PHLDB2: variants seen among roughly 807,000 people sequenced by gnomAD.
PHLDB2 encodes the protein pleckstrin homology like domain family B member 2, also known as pleckstrin homology-like domain family B member 2.
PHLDB2 carries 71 observed loss-of-function variants against 123.6 expected under a neutral mutation model. The observed-to-expected ratio is 0.57, with a 90% CI of 0.47 to 0.70. PHLDB2 has a LOEUF of 0.70. PHLDB2 is among the 30% of genes least tolerant of loss of function. The pLI, the probability that PHLDB2 is intolerant of heterozygous loss-of-function variation, is 0.00. For synonymous variants in PHLDB2, 547 were observed against 541.6 expected (o/e 1.01, Z -0.14); for missense variants, 1,446 against 1,519.5 (o/e 0.95, Z 0.80).
chr3:111,780,826 T>C (rs576351775), intron 1 of PHLDB2, among the ~76,000 whole-genome samples: 1 of 152,204 alleles, frequency 6.6e-6, no homozygotes, highest in Non-Finnish European at 1.5e-5. Context: ...ATAACAGATG[T>C]TGATAGGTGT....
intron 1 of PHLDB2, among the ~76,000 whole-genome samples, chr3:111,804,343 CAG>C (rs1388593576): frequency 1.3e-5 from 2 of 152,296 alleles, no homozygotes; most frequent in South Asian, 2.1e-4. Context: ...TTCTGAAGAA[CAG>C]AGTCTTCCCT....
At chr3:111,962,990 C>CAGA (rs1334193591) in intron 13 of PHLDB2, among the ~76,000 whole-genome samples, 1 of 151,168 alleles carries the variant, frequency 6.6e-6, no homozygotes, top group Non-Finnish European at 1.5e-5. Context: ...CAACAGCAGT[C>CAGA]AGAACTTTGG....
intron 2 of PHLDB2, among the ~76,000 whole-genome samples, chr3:111,902,469 A>C (rs1343454626): frequency 6.6e-6 from 1 of 152,158 alleles, no homozygotes; most frequent in African/African-American, 2.4e-5. Context: ...AAAAGGAAGA[A>C]AATAAAAATA....
At chr3:111,801,388 A>G (rs796068066) in intron 1 of PHLDB2, among the ~76,000 whole-genome samples, 1 of 152,204 alleles carries the variant, frequency 6.6e-6, no homozygotes, top group African/African-American at 2.4e-5. Flanking sequence ...TCTCCTTTGG[A>G]TACAAAGACC....
At chr3:111,803,271 G>C (rs931020758) in intron 1 of PHLDB2, among the ~76,000 whole-genome samples, 6 of 152,164 alleles carry the variant, frequency 3.9e-5, no homozygotes, top group African/African-American at 1.4e-4. Flanking sequence ...ATTTCTGATG[G>C]GGATCAGAGT....
At chr3:111,883,042 G>C (rs1340694147) in intron 1 of PHLDB2, among the ~76,000 whole-genome samples, 1 of 152,120 alleles carries the variant, frequency 6.6e-6, no homozygotes, top group Admixed American at 6.6e-5. Flanking sequence ...ATGTGCCTAA[G>C]GGTTGGAGGA....
intron 1 of PHLDB2, among the ~76,000 whole-genome samples, chr3:111,756,227 T>C (rs904488179): frequency 6.6e-6 from 1 of 151,726 alleles, no homozygotes. Flanking sequence ...TTCTGTCTCG[T>C]TGATCTGTCT....
chr3:111,837,221 G>A lies in PHLDB2; in HGVS notation c.-48-8600G>A, dbSNP rs1390898762. ...CACATTTGTTACCATAACTGTTATC[G>A]GTTTTTAAAAAATATCTAAAGTTTA... On this transcript the variant is annotated intron_variant, in intron 1 of 17. Transcript: ENST00000393923. 2.0e-5 allele frequency among the ~76,000 whole-genome samples: 3 copies of A among 152,122 alleles called. 1 individual carries two copies. The highest frequency in any genetic ancestry group is 3.8e-4 in the East Asian group (2 of 5,202).
intron 1 of PHLDB2, among the ~76,000 whole-genome samples, chr3:111,748,498 A>G (rs533493521): frequency 6.6e-6 from 1 of 151,864 alleles, no homozygotes; most frequent in East Asian, 1.9e-4. Context: ...CAGCCAGCCA[A>G]CTCATGTCCC....
Position 111,807,952 on chromosome 3 carries a change from T to G in PHLDB2, c.-48-37869T>G, listed in dbSNP as rs201850948. ...TTTTATAAATAAGCTGGGTGTTTTT[T>G]TTTTTTTTTTTTGCCTAATTTTATG... On this transcript the variant is annotated intron_variant, in intron 1 of 17. Coordinates refer to the PHLDB2 transcript ENST00000393923. Among the ~76,000 whole-genome samples the G allele has an allele frequency of 7.3e-3, 1,027 of 140,576 alleles. 4 individuals carry two copies. The highest frequency in any genetic ancestry group is 0.011 in the Non-Finnish European group (690 of 64,216). 92.2% of individuals were successfully genotyped at this position (140,576 alleles called of 152,430 possible). A position where few individuals can be genotyped will look rare whatever the true frequency, so the allele number is the denominator to read the frequency against.
In PHLDB2 at chr3:111,966,720, C is replaced by G; in HGVS notation, c.3168+17C>G. ...GAATCCAGGGTAAGCTTCATATTTTCATGCCGGAGGTCTGTGATACCGTGG... is the reference window on the plus strand; with the variant it reads ...GAATCCAGGGTAAGCTTCATATTTTGATGCCGGAGGTCTGTGATACCGTGG... On this transcript the variant is annotated intron_variant, in intron 14 of 17. Transcript: ENST00000431670. 6.2e-7 allele frequency: 1 copy of G among 1,606,292 alleles called. No individual in the cohort carries two copies.
chr3:111,805,282 C>A (rs896712734), intron 1 of PHLDB2, among the ~76,000 whole-genome samples: 2 of 152,072 alleles, frequency 1.3e-5, no homozygotes, highest in Admixed American at 1.3e-4. Context: ...TTACTGGGGC[C>A]GGGCGCTGTG....
chr3:111,742,645 C>T (rs908252954), intron 1 of PHLDB2, among the ~76,000 whole-genome samples: 2 of 152,098 alleles, frequency 1.3e-5, no homozygotes, highest in Non-Finnish European at 2.9e-5. Context: ...TGAACTCGTC[C>T]TTTTTTATGG....
At chr3:111,885,683 CAG>C (rs2066127119) in intron 2 of PHLDB2, 2 of 634,294 alleles carry the variant, frequency 3.2e-6, no homozygotes, top group South Asian at 1.9e-5. Flanking sequence ...AAAAACATAA[CAG>C]AGGAGTTGGG....
intron 2 of PHLDB2, among the ~76,000 whole-genome samples, chr3:111,906,040 T>C (rs1166267885): frequency 6.6e-6 from 1 of 152,232 alleles, no homozygotes; most frequent in Non-Finnish European, 1.5e-5. Flanking sequence ...TAGTGTACTT[T>C]CTATGTTTAG....
rs112074480 is a variant in PHLDB2, at chr3:111,759,551, C to T, written c.-49+26848C>T. Among the ~76,000 whole-genome samples the T allele has an allele frequency of 9.5e-3, 1,446 of 152,098 alleles. 16 individuals carry two copies. The highest frequency in any genetic ancestry group is 0.032 in the African/African-American group (1,324 of 41,484). On this transcript the variant is annotated intron_variant, in intron 1 of 17. Coordinates refer to the PHLDB2 transcript ENST00000393923. Reference sequence around the variant, plus strand: ...ACACACATATGTATGTATGTATATCCCGTGTGTGTGTATGCATGCACAGTG... The same window carrying T: ...ACACACATATGTATGTATGTATATCTCGTGTGTGTGTATGCATGCACAGTG...
chr3:111,815,559 T>G (rs116565349), intron 1 of PHLDB2, among the ~76,000 whole-genome samples: 7,014 of 152,234 alleles, frequency 0.046, 232 homozygotes, highest in Admixed American at 0.083. Context: ...CCCTAGAGAT[T>G]TGTGGAACTT....
At chr3:111,772,104 A>G (rs1255524896) in intron 1 of PHLDB2, among the ~76,000 whole-genome samples, 2 of 152,110 alleles carry the variant, frequency 1.3e-5, no homozygotes, top group East Asian at 1.9e-4. Flanking sequence ...GGAAGGCTGC[A>G]ATCATTATGA....
At chr3:111,804,321 A>G (rs1299597213) in intron 1 of PHLDB2, among the ~76,000 whole-genome samples, 1 of 152,234 alleles carries the variant, frequency 6.6e-6, no homozygotes, top group Admixed American at 6.5e-5. Flanking sequence ...GAAAGAAGAC[A>G]TTATTGAATT....
Sources: gnomAD v4.1 joint callset for allele counts (sites outside exome capture counted in the v4.1 genomes callset) on GRCh38, gnomAD v4.1.1 for gene constraint, MANE v1.5 for transcripts, NCBI Gene and HGNC (gene_info 2026-07-23, HGNC 2026-07-21) for gene names.